HCN1: variants seen among roughly 807,000 people sequenced by gnomAD.
HCN1 encodes the protein potassium/sodium hyperpolarization-activated cyclic nucleotide-gated channel 1.
HCN1 carries 13 observed loss-of-function variants against 78.9 expected under a neutral mutation model. That is an observed-to-expected ratio of 0.16 (90% CI 0.11 to 0.26). The LOEUF (loss-of-function observed/expected upper bound fraction) is 0.26. HCN1 is among the 10% of genes least tolerant of loss of function. HCN1 has a pLI of 1.00. For synonymous variants in HCN1, 552 were observed against 455.5 expected (o/e 1.21, Z -2.70); for missense variants, 810 against 1,154.3 (o/e 0.70, Z 4.32).
intron 5 of HCN1, among the ~76,000 whole-genome samples, chr5:45,321,490 T>G (rs930260324): frequency 1.3e-5 from 2 of 150,232 alleles, no homozygotes; most frequent in Non-Finnish European, 2.9e-5. Flanking sequence ...ATAAAAGTCA[T>G]GAAAGCTTAG....
chr5:45,401,767 G>A (rs188987095), intron 3 of HCN1, among the ~76,000 whole-genome samples: 1 of 151,048 alleles, frequency 6.6e-6, no homozygotes, highest in South Asian at 2.1e-4. Flanking sequence ...TCTCCATATA[G>A]AGAAATATAT....
At chr5:45,531,666 T>G (rs1403632164) in intron 2 of HCN1, among the ~76,000 whole-genome samples, 1 of 152,194 alleles carries the variant, frequency 6.6e-6, no homozygotes, top group African/African-American at 2.4e-5. Flanking sequence ...CATTCTGATT[T>G]TTTTGCCTGC....
chr5:45,672,780 C>T lies in HCN1; in HGVS notation c.425+22889G>A, dbSNP rs575564333. On this transcript the variant is annotated intron_variant, in intron 1 of 7. Transcript: ENST00000303230. ...CTGAGTCCTTGTTAATTAATTCTGC[C>T]CTGAGTCTTTCGCTGCTAAAAGGTT... Among the ~76,000 whole-genome samples the T allele has an allele frequency of 2.0e-5, 3 of 151,144 alleles. No individual in the cohort carries two copies. The South Asian group carries it at 6.2e-4, about 31-fold the overall frequency.
In HCN1 at chr5:45,595,362, G is replaced by C. The variant is rs370550418; in HGVS notation, c.849+49823C>G. Among the ~76,000 whole-genome samples the C allele has an allele frequency of 1.7e-4, 26 of 152,268 alleles. 2 individuals are homozygous for C. Among genetic ancestry groups the C allele is most frequent in the African/African-American group, 6.0e-4 (25 of 41,564 alleles). On this transcript the variant is annotated intron_variant, in intron 2 of 7. Coordinates refer to ENST00000303230, the MANE Select transcript of HCN1 (RefSeq NM_021072.4). ...CACCCTGTTTATTTATTTAAAGACAGAGCCTTGCTCTGTTGCCCAGGCTGA... is the reference window on the plus strand; with the variant it reads ...CACCCTGTTTATTTATTTAAAGACACAGCCTTGCTCTGTTGCCCAGGCTGA...
chr5:45,687,555 G>A (rs1277704998), intron 1 of HCN1, among the ~76,000 whole-genome samples: 1 of 151,810 alleles, frequency 6.6e-6, no homozygotes, highest in Non-Finnish European at 1.5e-5. Context: ...ATAGCAACGT[G>A]TTCTTATTGT....
intron 2 of HCN1, among the ~76,000 whole-genome samples, chr5:45,463,149 A>G (rs926867993): frequency 2.0e-5 from 3 of 151,990 alleles, no homozygotes; most frequent in Non-Finnish European, 4.4e-5. Context: ...TTATCCAAAA[A>G]ATGTAAAGAA....
chr5:45,455,895 G>C (rs909933128), intron 3 of HCN1, among the ~76,000 whole-genome samples: 1 of 151,650 alleles, frequency 6.6e-6, no homozygotes, highest in African/African-American at 2.4e-5. Flanking sequence ...CCATCTAACT[G>C]AAAGGCAGCT....
chr5:45,352,971 A>T (rs1234383035), intron 5 of HCN1, 129 bp downstream of exon 5: 9 of 732,298 alleles, frequency 1.2e-5, no homozygotes, highest in Non-Finnish European at 2.0e-5. Flanking sequence ...GAAGCTAAAG[A>T]AGATAAGGAC....
Position 45,696,166 on chromosome 5 carries a change from G to C in HCN1, c.-73C>G. 9.4e-7 allele frequency: 1 copy of C among 1,061,804 alleles called. No homozygotes were observed. Among genetic ancestry groups the C allele is most frequent in the Non-Finnish European group, 1.2e-6 (1 of 838,116 alleles). 65.8% of individuals were successfully genotyped at this position (1,061,804 alleles called of 1,614,324 possible). A position where few individuals can be genotyped will look rare whatever the true frequency, so the allele number is the denominator to read the frequency against. On this transcript the variant is annotated 5_prime_UTR_variant, in exon 1 of 8. Coordinates refer to ENST00000303230, the MANE Select transcript of HCN1 (RefSeq NM_021072.4). ...CGCCCGGCGCCGGAGACACGTAGCC[G>C]AGAGGGTAGGGGCCCGAGCCGGCTG...
At chr5:45,429,142 T>C (rs1206522481) in intron 3 of HCN1, among the ~76,000 whole-genome samples, 2 of 152,196 alleles carry the variant, frequency 1.3e-5, no homozygotes, top group Non-Finnish European at 2.9e-5. Flanking sequence ...TAATGTGCAC[T>C]CTGAGAATCA....
At chr5:45,646,150 C>T (rs1745546421) in intron 1 of HCN1, among the ~76,000 whole-genome samples, 2 of 152,024 alleles carry the variant, frequency 1.3e-5, no homozygotes, top group Admixed American at 1.3e-4. Flanking sequence ...CTAGAATACA[C>T]TGGAGTTTTG....
At chr5:45,562,097 G>A (rs1485876416) in intron 2 of HCN1, among the ~76,000 whole-genome samples, 2 of 152,010 alleles carry the variant, frequency 1.3e-5, no homozygotes, top group African/African-American at 4.8e-5. Context: ...AGAAGTACAG[G>A]TGGCCTGGTG....
At chr5:45,498,824 C>G (rs1233841826) in intron 2 of HCN1, among the ~76,000 whole-genome samples, 5 of 152,030 alleles carry the variant, frequency 3.3e-5, no homozygotes, top group Non-Finnish European at 5.9e-5. Context: ...AGCTGCAGGT[C>G]TGTTGGAGTA....
chr5:45,419,640 T>C (rs1401522830), intron 3 of HCN1, among the ~76,000 whole-genome samples: 2 of 152,166 alleles, frequency 1.3e-5, no homozygotes, highest in Non-Finnish European at 2.9e-5. Flanking sequence ...TCAGTTGGAT[T>C]AGGCTAATGG....
intron 3 of HCN1, among the ~76,000 whole-genome samples, chr5:45,432,450 C>A (rs1740482400): frequency 6.6e-6 from 1 of 151,932 alleles, no homozygotes; most frequent in African/African-American, 2.4e-5. Context: ...TGCTCTAGTA[C>A]TTCTAGTACT....
chr5:45,288,899 G>A (rs1222264369), intron 6 of HCN1, among the ~76,000 whole-genome samples: 1 of 152,014 alleles, frequency 6.6e-6, no homozygotes, highest in Non-Finnish European at 1.5e-5. Flanking sequence ...TGGGAAAGGA[G>A]CAAGCTAGAG....
At chr5:45,630,349 A>C (rs961863491) in intron 2 of HCN1, among the ~76,000 whole-genome samples, 1 of 152,176 alleles carries the variant, frequency 6.6e-6, no homozygotes, top group Non-Finnish European at 1.5e-5. Flanking sequence ...GGAAATTGTT[A>C]ATCTCTCTGT....
At chr5:45,301,910 A>T (rs1745631163) in intron 6 of HCN1, among the ~76,000 whole-genome samples, 1 of 152,026 alleles carries the variant, frequency 6.6e-6, no homozygotes. Flanking sequence ...TTAGGAGAAA[A>T]TAGTTGCATC....
intron 2 of HCN1, among the ~76,000 whole-genome samples, chr5:45,520,111 T>G (rs1164728131): frequency 6.6e-6 from 1 of 152,036 alleles, no homozygotes; most frequent in African/African-American, 2.4e-5. Flanking sequence ...AGTTCACATA[T>G]GTGTGCTTAG....
Sources: gnomAD v4.1 joint callset for allele counts (sites outside exome capture counted in the v4.1 genomes callset) on GRCh38, gnomAD v4.1.1 for gene constraint, MANE v1.5 for transcripts, NCBI Gene and HGNC (gene_info 2026-07-23, HGNC 2026-07-21) for gene names.